Variants in SPECC1L observed in about 807,000 individuals in gnomAD.
SPECC1L encodes the protein cytospin-A.
In SPECC1L, 40 loss-of-function variants were observed where a neutral mutation model predicts 116.8. The observed-to-expected ratio is 0.34, with a 90% CI of 0.27 to 0.45. The LOEUF (loss-of-function observed/expected upper bound fraction) is 0.45. Among genes scored for constraint, SPECC1L ranks in the 20% least tolerant of loss-of-function variants. The pLI, the probability that SPECC1L is intolerant of heterozygous loss-of-function variation, is 1.00. For missense variants in SPECC1L, 1,110 were observed against 1,373.6 expected (o/e 0.81, Z 3.03); for synonymous variants, 504 against 500.6 (o/e 1.01, Z -0.09).
At chr22:24,383,140 A>ACC (rs2042092986) in intron 14 of SPECC1L, among the ~76,000 whole-genome samples, 1 of 152,252 alleles carries the variant, frequency 6.6e-6, no homozygotes, top group Admixed American at 6.5e-5. Flanking sequence ...TGTCCTACAA[A>ACC]TAAAGGTTGA....
At chr22:24,338,236 A>G in intron 9 of SPECC1L, 150 bp from the exon 10 acceptor site, 1 of 769,458 alleles carries the variant, frequency 1.3e-6, no homozygotes. Flanking sequence ...AGACATGGCT[A>G]CAAGTGTTCA....
intron 2 of SPECC1L, among the ~76,000 whole-genome samples, chr22:24,281,881 C>T (rs2048950513): frequency 6.6e-6 from 1 of 152,236 alleles, no homozygotes. Flanking sequence ...AGAGCGGAAT[C>T]ATCAAGACGG....
intron 7 of SPECC1L, 41 bp downstream of exon 7, chr22:24,328,960 T>A (rs776956340): frequency 6.7e-7 from 1 of 1,494,304 alleles, no homozygotes; most frequent in African/African-American, 1.4e-5. Context: ...AGAAAACGGT[T>A]TTCTGAAATC....
Position 24,338,489 on chromosome 22 carries a change from G to T in SPECC1L, c.2652+12G>T. 1 of 1,612,688 alleles carries T rather than the reference G, an allele frequency of 6.2e-7. No individual in the cohort carries two copies. The highest frequency in any genetic ancestry group is 1.7e-5 in the Admixed American group (1 of 60,008). ...TGTCCCCTATGCAGGTGAGTGCCTG[G>T]AACCACAGGAGGCTCTTAGAGCCTC... is the stretch of plus-strand genomic sequence containing the variant. On this transcript the variant is annotated intron_variant, in intron 10 of 16. Transcript: ENST00000314328.
chr22:24,336,218 T>G (rs2146526398), intron 9 of SPECC1L, among the ~76,000 whole-genome samples: 1 of 152,182 alleles, frequency 6.6e-6, no homozygotes, highest in East Asian at 1.9e-4. Flanking sequence ...CTCTGTGCGC[T>G]GCAATCCTTT....
intron 14 of SPECC1L, among the ~76,000 whole-genome samples, chr22:24,371,661 C>T (rs1220617755): frequency 6.6e-6 from 1 of 152,098 alleles, no homozygotes; most frequent in Non-Finnish European, 1.5e-5. Context: ...ACGCAGCATA[C>T]CAAAATTTAT....
At chr22:24,272,297 G>A (rs2048742712) in intron 1 of SPECC1L, among the ~76,000 whole-genome samples, 1 of 152,140 alleles carries the variant, frequency 6.6e-6, no homozygotes, top group African/African-American at 2.4e-5. Context: ...CCCGGGAGGC[G>A]GAGGTTGCAG....
intron 14 of SPECC1L, among the ~76,000 whole-genome samples, chr22:24,403,369 G>A (rs2042518381): frequency 6.6e-6 from 1 of 152,128 alleles, no homozygotes; most frequent in Non-Finnish European, 1.5e-5. Context: ...ATTATAATTA[G>A]TAAGTAATAT....
intron 16 of SPECC1L, among the ~76,000 whole-genome samples, chr22:24,413,873 C>T (rs2042750650): frequency 6.6e-6 from 1 of 152,284 alleles, no homozygotes; most frequent in Non-Finnish European, 1.5e-5. Context: ...AGGGAAGGAT[C>T]TCTCAGGCCG....
intron 11 of SPECC1L, among the ~76,000 whole-genome samples, chr22:24,356,088 A>C (rs1479223594): frequency 1.3e-5 from 2 of 152,068 alleles, no homozygotes; most frequent in Non-Finnish European, 2.9e-5. Context: ...ATCATACAGC[A>C]TACAGCTTTT....
At position 24,287,763 on chromosome 22, in the gene SPECC1L, T is replaced by A. The variant is rs182649655; in HGVS notation, c.-38+10960T>A. The stretch of plus-strand genomic sequence containing the variant: ...ATTATAATACCCACTTCTTATGATG[T>A]AAAGGAACTGAATGAGTGTGGAATC... On this transcript the variant is annotated intron_variant, in intron 2 of 16. Coordinates refer to ENST00000314328, the MANE Select transcript of SPECC1L (RefSeq NM_015330.6). Among the ~76,000 whole-genome samples the A allele has an allele frequency of 9.3e-3, 1,411 of 152,070 alleles. 18 individuals carry two copies. The highest frequency in any genetic ancestry group is 0.032 in the African/African-American group (1,310 of 41,362).
At position 24,321,924 on chromosome 22, in the gene SPECC1L, A is replaced by G; in HGVS notation, c.944A>G (p.Glu315Gly). ...DGGGTLTSSVEGSAPGSVEDL... is the reference protein window; with the variant it reads ...DGGGTLTSSVGGSAPGSVEDL... The stretch of plus-strand genomic sequence containing the variant: ...GGAGGAACTCTGACTTCTTCAGTGG[A>G]AGGCTCTGCCCCTGGCTCAGTGGAG... The change falls in exon 5 of 17, where the codon GAA becomes GGA. Residue 315 changes from glutamate to glycine, a missense_variant. Around this residue, in one of 4 missense-constraint regions of SPECC1L, gnomAD observed 437 missense variants for 482.6 expected, o/e 0.91. Transcript: ENST00000314328. 1.2e-6 allele frequency: 2 copies of G among 1,614,226 alleles called. No individual in the cohort carries two copies. The highest frequency in any genetic ancestry group is 1.3e-5 in the African/African-American group (1 of 75,052).
At chr22:24,292,775 C>G (rs1162961185) in intron 2 of SPECC1L, among the ~76,000 whole-genome samples, 1 of 152,086 alleles carries the variant, frequency 6.6e-6, no homozygotes, top group African/African-American at 2.4e-5. Flanking sequence ...AGTCCAACTT[C>G]CTTTTTATTG....
In SPECC1L at chr22:24,365,477, G is replaced by T; in HGVS notation, c.2829G>T (p.Val943=). 1.2e-6 allele frequency: 2 copies of T among 1,613,910 alleles called. No homozygotes were observed. The highest frequency in any genetic ancestry group is 8.5e-7 in the Non-Finnish European group (1 of 1,179,946). ...PAMESAKTLS[V]SRRSSEEVKR... is the part of the protein sequence containing the mutation. Reference sequence around the variant, plus strand: ...GTGCATAATGACTATTTCTCACAGTGTCTCGACGAAGTAGTGAAGAAGTGA... The same window carrying T: ...GTGCATAATGACTATTTCTCACAGTTTCTCGACGAAGTAGTGAAGAAGTGA... Residue 943 remains valine, a splice_region_variant and synonymous_variant, in exon 13 of 17, where the codon GTG becomes GTT. Transcript: ENST00000314328.
At chr22:24,371,652 C>T (rs143627413) in intron 14 of SPECC1L, among the ~76,000 whole-genome samples, 79 of 152,198 alleles carry the variant, frequency 5.2e-4, no homozygotes, top group African/African-American at 1.7e-3. Context: ...CAAAAATGAA[C>T]GCAGCATACC....
At chr22:24,396,580 G>GC (rs1161038399) in intron 14 of SPECC1L, among the ~76,000 whole-genome samples, 2 of 152,126 alleles carry the variant, frequency 1.3e-5, no homozygotes, top group African/African-American at 4.8e-5. Context: ...TTACAGGTGT[G>GC]CCACCACCCC....
intron 3 of SPECC1L, among the ~76,000 whole-genome samples, chr22:24,312,457 T>C (rs1402035776): frequency 6.6e-6 from 1 of 152,216 alleles, no homozygotes; most frequent in Admixed American, 6.5e-5. Context: ...TGGTTCCAGA[T>C]AGAAGATAGT....
intron 2 of SPECC1L, among the ~76,000 whole-genome samples, chr22:24,293,088 A>G (rs771073610): frequency 2.8e-4 from 43 of 152,034 alleles, no homozygotes; most frequent in Non-Finnish European, 5.3e-4. Flanking sequence ...TTAAGAAGAA[A>G]AGGAAAGAAG....
chr22:24,341,614 C>T (rs999052435), intron 10 of SPECC1L, among the ~76,000 whole-genome samples: 1 of 152,190 alleles, frequency 6.6e-6, no homozygotes, highest in Non-Finnish European at 1.5e-5. Context: ...TGTTCCCCAG[C>T]GATCCCCCAT....
Sources: gnomAD v4.1 joint callset for allele counts (sites outside exome capture counted in the v4.1 genomes callset) on GRCh38, gnomAD v4.1.1 for gene constraint, gnomAD v4.1.1 regional missense constraint, MANE v1.5 for transcripts, NCBI Gene and HGNC (gene_info 2026-07-23, HGNC 2026-07-21) for gene names.